The following BTC variants were observed in gnomAD, a reference collection of about 807,000 sequenced individuals.
The protein encoded by BTC is probetacellulin.
A neutral mutation model predicts 18.1 loss-of-function variants in BTC; 13 were observed. The ratio of observed to expected loss-of-function variants is 0.72; its 90% CI spans 0.47 to 1.14. The LOEUF (loss-of-function observed/expected upper bound fraction) is 1.14, where lower values mean the gene tolerates loss of function less well. Among genes scored for constraint, BTC ranks in the 50% most tolerant of loss-of-function variants. BTC has a pLI of 0.00. For missense variants in BTC, 247 were observed against 224.2 expected (o/e 1.10, Z -0.65); for synonymous variants, 83 against 79.4 (o/e 1.05, Z -0.24).
intron 1 of BTC, among the ~76,000 whole-genome samples, chr4:74,770,795 G>T (rs894013360): frequency 2.0e-5 from 3 of 151,910 alleles, no homozygotes; most frequent in African/African-American, 7.3e-5. Context: ...TCACTTCTGA[G>T]ATAATCAGGG....
intron 2 of BTC, among the ~76,000 whole-genome samples, chr4:74,767,839 A>G (rs1724941106): frequency 6.6e-6 from 1 of 152,134 alleles, no homozygotes; most frequent in Non-Finnish European, 1.5e-5. Flanking sequence ...ATCCACATGC[A>G]AAAGAATGAA....
rs142511618 is a variant in BTC, at chr4:74,761,026, G to A, written c.164-5050C>T. Reference sequence around the variant, plus strand: ...TGGGATTACAGGCGTGAGCCAATGCGCCTGGCCTAGCATGTCTTTTAACTA... The same window carrying A: ...TGGGATTACAGGCGTGAGCCAATGCACCTGGCCTAGCATGTCTTTTAACTA... On this transcript the variant is annotated intron_variant, in intron 2 of 5. Coordinates refer to ENST00000395743, the MANE Select transcript of BTC (RefSeq NM_001729.4). Among the ~76,000 whole-genome samples the A allele has an allele frequency of 6.2e-4, 95 of 152,138 alleles. 1 individual carries two copies. In the East Asian group the frequency reaches 0.017, roughly 27 times the overall value.
intron 1 of BTC, among the ~76,000 whole-genome samples, chr4:74,784,005 G>A (rs1725408810): frequency 6.6e-6 from 1 of 152,006 alleles, no homozygotes. Context: ...GGCCGAGGCA[G>A]ATGGATCACT....
At chr4:74,761,145 G>C (rs1436563612) in intron 2 of BTC, among the ~76,000 whole-genome samples, 1 of 143,854 alleles carries the variant, frequency 7.0e-6, no homozygotes, top group Non-Finnish European at 1.6e-5. Flanking sequence ...AAAAAAAAAA[G>C]AATCAATATT....
intron 1 of BTC, among the ~76,000 whole-genome samples, chr4:74,770,380 T>C (rs1390868663): frequency 6.6e-6 from 1 of 152,182 alleles, no homozygotes; most frequent in Non-Finnish European, 1.5e-5. Context: ...TATATCTAAC[T>C]ATGGATCTTA....
intron 2 of BTC, among the ~76,000 whole-genome samples, chr4:74,758,703 T>A (rs1724670073): frequency 6.6e-6 from 1 of 152,188 alleles, no homozygotes; most frequent in Non-Finnish European, 1.5e-5. Context: ...ATGCAGTGAT[T>A]TGATCAGCCT....
chr4:74,748,193 A>G (rs1553955675), intron 4 of BTC, 44 bp from the exon 5 acceptor site: 4 of 1,157,068 alleles, frequency 3.5e-6, no homozygotes, highest in Non-Finnish European at 3.8e-6. Flanking sequence ...CTAGTAGTTC[A>G]TGCGAACACA....
intron 2 of BTC, among the ~76,000 whole-genome samples, chr4:74,758,820 T>G (rs545622565): frequency 1.3e-4 from 20 of 152,292 alleles, no homozygotes; most frequent in African/African-American, 4.6e-4. Context: ...CTCTTAAATA[T>G]TCCCAGCATT....
intron 2 of BTC, among the ~76,000 whole-genome samples, chr4:74,765,840 C>T (rs906308379): frequency 6.6e-6 from 1 of 152,090 alleles, no homozygotes; most frequent in African/African-American, 2.4e-5. Context: ...TCAACCATCA[C>T]TTAATGACAG....
At chr4:74,748,569 T>C (rs1405435329) in intron 4 of BTC, among the ~76,000 whole-genome samples, 3 of 152,152 alleles carry the variant, frequency 2.0e-5, no homozygotes, top group African/African-American at 4.8e-5. Context: ...TCTTAACCCA[T>C]CTCTTTCTCT....
intron 1 of BTC, among the ~76,000 whole-genome samples, chr4:74,781,406 T>TGC (rs1337210848): frequency 2.7e-5 from 4 of 150,522 alleles, no homozygotes; most frequent in African/African-American, 1.0e-4. Context: ...TGTGTGTGTG[T>TGC]GTGTGTGTGT....
intron 1 of BTC, among the ~76,000 whole-genome samples, chr4:74,771,152 A>G (rs1478822072): frequency 1.3e-5 from 2 of 152,068 alleles, no homozygotes; most frequent in Non-Finnish European, 2.9e-5. Flanking sequence ...CCATAATAAT[A>G]GGAGGGAAGA....
At chr4:74,760,610 C>T (rs1405508433) in intron 2 of BTC, among the ~76,000 whole-genome samples, 2 of 152,188 alleles carry the variant, frequency 1.3e-5, no homozygotes, top group Admixed American at 6.5e-5. Context: ...CATCCAATGA[C>T]ATTTCCTACA....
At chr4:74,756,003 A>G (rs1432644535) in intron 2 of BTC, 27 bp from the exon 3 acceptor site, 3 of 1,529,918 alleles carry the variant, frequency 2.0e-6, no homozygotes, top group Non-Finnish European at 2.7e-6. Context: ...AGTTCAATAA[A>G]TCAACTCTCT....
chr4:74,752,620 C>A (rs1484132878), intron 3 of BTC, among the ~76,000 whole-genome samples: 1 of 152,010 alleles, frequency 6.6e-6, no homozygotes, highest in African/African-American at 2.4e-5. Context: ...ACCTCGTGAT[C>A]CTCCCACGTC....
intron 2 of BTC, among the ~76,000 whole-genome samples, chr4:74,763,669 G>A (rs1724823437): frequency 6.6e-6 from 1 of 152,088 alleles, no homozygotes; most frequent in Admixed American, 6.6e-5. Flanking sequence ...AAAAGAATCA[G>A]GGATTAATAA....
chr4:74,761,406 A>G (rs1285159511), intron 2 of BTC, among the ~76,000 whole-genome samples: 1 of 152,128 alleles, frequency 6.6e-6, no homozygotes, highest in Non-Finnish European at 1.5e-5. Context: ...TAAGCTCATC[A>G]AGACTCCTGT....
Position 74,748,196 on chromosome 4 carries a change from C to G in BTC, c.429-47G>C, listed in dbSNP as rs546136065. ...GTTAGTATGGGCCTAGTAGTTCATGCGAACACAAAATTATCCATCAAGAGA... is the reference window on the plus strand; with the variant it reads ...GTTAGTATGGGCCTAGTAGTTCATGGGAACACAAAATTATCCATCAAGAGA... On this transcript the variant is annotated intron_variant, in intron 4 of 5. Transcript: ENST00000395743. The G allele has an allele frequency of 6.1e-6, 7 of 1,143,720 alleles. No homozygotes were observed. The East Asian group carries it at 1.4e-4, about 24-fold the overall frequency. 70.8% of individuals were successfully genotyped at this position (1,143,720 alleles called of 1,614,324 possible). A position where few individuals can be genotyped will look rare whatever the true frequency, so the allele number is the denominator to read the frequency against.
intron 1 of BTC, among the ~76,000 whole-genome samples, chr4:74,782,994 T>G (rs918856967): frequency 6.6e-6 from 1 of 152,222 alleles, no homozygotes; most frequent in African/African-American, 2.4e-5. Flanking sequence ...AGATTCTGGA[T>G]ATTAGACCTT....
Sources: gnomAD v4.1 joint callset for allele counts (sites outside exome capture counted in the v4.1 genomes callset) on GRCh38, gnomAD v4.1.1 for gene constraint, MANE v1.5 for transcripts, NCBI Gene and HGNC (gene_info 2026-07-23, HGNC 2026-07-21) for gene names.